MYO6: variants seen among roughly 807,000 people sequenced by gnomAD.
MYO6 encodes myosin VI.
Under a neutral mutation model 178.7 loss-of-function variants are expected in MYO6, and 74 were observed. That is an observed-to-expected ratio of 0.41 (90% CI 0.34 to 0.50). The LOEUF (loss-of-function observed/expected upper bound fraction) is 0.50, where lower values mean the gene tolerates loss of function less well. MYO6 is among the 20% of genes least tolerant of loss of function. The pLI is 0.09. For synonymous variants in MYO6, 477 were observed against 504.6 expected, an observed-to-expected ratio of 0.95 and a Z score of 0.73; for missense variants, 1,330 against 1,547.4, an observed-to-expected ratio of 0.86 and a Z score of 2.36.
chr6:75,835,764 A>G (rs1016663332), intron 6 of MYO6, 137 bp from the exon 7 acceptor site: 37 of 658,948 alleles, frequency 5.6e-5, no homozygotes, highest in East Asian at 1.6e-4. Flanking sequence ...TTAAAAAGCT[A>G]TGACAGAATA....
intron 20 of MYO6, among the ~76,000 whole-genome samples, chr6:75,874,692 T>C (rs562826254): frequency 1.3e-5 from 2 of 152,358 alleles, no homozygotes; most frequent in East Asian, 3.9e-4. Flanking sequence ...ATCTTTCCCA[T>C]TACCATTTAA....
At chr6:75,883,161 C>A (rs1413651841) in intron 23 of MYO6, among the ~76,000 whole-genome samples, 1 of 150,634 alleles carries the variant, frequency 6.6e-6, no homozygotes, top group Non-Finnish European at 1.5e-5. Flanking sequence ...AAAATGAATA[C>A]AGTAAATTAG....
intron 1 of MYO6, among the ~76,000 whole-genome samples, chr6:75,799,358 C>T (rs928856623): frequency 2.0e-5 from 3 of 150,314 alleles, no homozygotes; most frequent in African/African-American, 7.4e-5. Flanking sequence ...CCATTGCCTT[C>T]CACCCCGGAC....
intron 7 of MYO6, among the ~76,000 whole-genome samples, chr6:75,837,330 T>A (rs999737281): frequency 2.0e-5 from 3 of 152,208 alleles, no homozygotes; most frequent in Admixed American, 6.5e-5. Context: ...GTTGTGAAAT[T>A]CGGATATAAA....
intron 30 of MYO6, among the ~76,000 whole-genome samples, chr6:75,906,776 T>A (rs963491426): frequency 1.3e-5 from 2 of 152,232 alleles, no homozygotes; most frequent in Non-Finnish European, 2.9e-5. Flanking sequence ...TTTATTTCAT[T>A]TTATTGACTG....
intron 13 of MYO6, among the ~76,000 whole-genome samples, chr6:75,858,076 A>T (rs1024528220): frequency 1.9e-4 from 26 of 139,466 alleles, no homozygotes; most frequent in Middle Eastern, 3.8e-3. Flanking sequence ...ATTATTATTA[A>T]TTTTTTTTCC....
chr6:75,907,513 GT>G, intron 30 of MYO6, 91 bp from the exon 31 acceptor site: 1 of 1,004,076 alleles, frequency 1.0e-6, no homozygotes. Flanking sequence ...GCTGTTTCCG[GT>G]TTTCAAACTT....
chr6:75,832,038 T>G (rs1773152038), intron 5 of MYO6, among the ~76,000 whole-genome samples: 1 of 152,212 alleles, frequency 6.6e-6, no homozygotes, highest in East Asian at 1.9e-4. Context: ...AGTTGTCTTA[T>G]AGAGCCAAAT....
intron 1 of MYO6, among the ~76,000 whole-genome samples, chr6:75,770,569 C>T (rs1033128212): frequency 2.0e-5 from 3 of 152,192 alleles, no homozygotes; most frequent in Non-Finnish European, 1.5e-5. Flanking sequence ...CTCCGCCTCC[C>T]GGGTTGAAGC....
chr6:75,823,951 C>T (rs1159846175), intron 3 of MYO6, among the ~76,000 whole-genome samples: 2 of 152,088 alleles, frequency 1.3e-5, no homozygotes, highest in Non-Finnish European at 2.9e-5. Flanking sequence ...TGTAGAATTC[C>T]CTTCCTTTCC....
At chr6:75,895,099 T>C in intron 28 of MYO6, 132 bp from the exon 29 acceptor site, 1 of 686,816 alleles carries the variant, frequency 1.5e-6, no homozygotes, top group Non-Finnish European at 2.5e-6. Flanking sequence ...TTCTGAGTGA[T>C]CTCATGTTGA....
At chr6:75,790,689 A>G (rs926336056) in intron 1 of MYO6, among the ~76,000 whole-genome samples, 6 of 152,138 alleles carry the variant, frequency 3.9e-5, no homozygotes, top group African/African-American at 1.2e-4. Context: ...CAGAAATAGT[A>G]TCTCATTTTT....
chr6:75,841,157 A>G, intron 8 of MYO6, 57 bp from the exon 9 acceptor site: 1 of 1,495,142 alleles, frequency 6.7e-7, no homozygotes, highest in Non-Finnish European at 9.2e-7. Flanking sequence ...ACATTGGTTA[A>G]TTATATTTTA....
intron 1 of MYO6, among the ~76,000 whole-genome samples, chr6:75,770,837 CTT>C (rs1197303928): frequency 6.6e-6 from 1 of 152,106 alleles, no homozygotes; most frequent in Non-Finnish European, 1.5e-5. Context: ...AGCCAGATGT[CTT>C]TTAACTGATT....
At chr6:75,872,512 C>T (rs998176725) in intron 19 of MYO6, among the ~76,000 whole-genome samples, 1 of 151,970 alleles carries the variant, frequency 6.6e-6, no homozygotes, top group Non-Finnish European at 1.5e-5. Flanking sequence ...TTATTTACTC[C>T]TTTTGTCATA....
At chr6:75,774,919 G>T (rs555620465) in intron 1 of MYO6, among the ~76,000 whole-genome samples, 1 of 151,558 alleles carries the variant, frequency 6.6e-6, no homozygotes, top group Admixed American at 6.6e-5. Context: ...TCAGCCTCCC[G>T]AGTAGCTGGG....
rs376927352 is a variant in MYO6, at chr6:75,857,082, A to G, written c.1224-15A>G. 1.8e-4 allele frequency: 295 copies of G among 1,613,446 alleles called. No homozygotes were observed. The highest frequency in any genetic ancestry group is 2.3e-4 in the Non-Finnish European group (271 of 1,179,682). On this transcript the variant is annotated splice_polypyrimidine_tract_variant and intron_variant, in intron 12 of 34. Coordinates refer to ENST00000369977, the MANE Select transcript of MYO6 (RefSeq NM_004999.4). The stretch of plus-strand genomic sequence containing the variant: ...TATTATAAAGAATTTTTACTAGCAT[A>G]GTTTTCTTTTATAGGGTACCTCTGA...
At chr6:75,818,905 C>A (rs1271791083) in intron 2 of MYO6, among the ~76,000 whole-genome samples, 1 of 151,708 alleles carries the variant, frequency 6.6e-6, no homozygotes, top group Non-Finnish European at 1.5e-5. Context: ...TATTTGAAGG[C>A]TTTTGATTTT....
chr6:75,779,101 A>C (rs1018095737), intron 1 of MYO6, among the ~76,000 whole-genome samples: 5 of 147,522 alleles, frequency 3.4e-5, no homozygotes, highest in South Asian at 2.2e-4. Flanking sequence ...GTTTGGCTAC[A>C]TTGTTCAGTC....
Sources: allele counts gnomAD v4.1 joint callset (sites outside exome capture counted in the v4.1 genomes callset), GRCh38; gene constraint gnomAD v4.1.1; transcripts MANE v1.5; gene names NCBI Gene and HGNC (gene_info 2026-07-23, HGNC 2026-07-21).